The following PEX5L variants were observed in gnomAD, a reference collection of about 807,000 sequenced individuals.
PEX5L encodes the protein PEX5-related protein.
In PEX5L, 30 loss-of-function variants were observed where a neutral mutation model predicts 84.0. The ratio of observed to expected loss-of-function variants is 0.36; its 90% CI spans 0.27 to 0.48. PEX5L has a LOEUF of 0.48. PEX5L is among the 20% of genes least tolerant of loss of function. PEX5L has a pLI of 0.99. For missense variants in PEX5L, 533 were observed against 754.6 expected, an observed-to-expected ratio of 0.71 and a Z score of 3.44; for synonymous variants, 270 against 283.1, an observed-to-expected ratio of 0.95 and a Z score of 0.46.
At chr3:179,982,992 T>A (rs1786473391) in intron 1 of PEX5L, among the ~76,000 whole-genome samples, 1 of 151,994 alleles carries the variant, frequency 6.6e-6, no homozygotes, top group African/African-American at 2.4e-5. Flanking sequence ...ATTTAGTAAG[T>A]TTTTTTGAAT....
chr3:180,030,442 C>T (rs1001190275), intron 1 of PEX5L, among the ~76,000 whole-genome samples: 2 of 152,198 alleles, frequency 1.3e-5, no homozygotes, highest in African/African-American at 2.4e-5. Flanking sequence ...AGTTTTAACC[C>T]TCAAGGCTGT....
intron 14 of PEX5L, among the ~76,000 whole-genome samples, chr3:179,802,526 C>A (rs1253756995): frequency 9.7e-6 from 1 of 102,596 alleles, no homozygotes; most frequent in Non-Finnish European, 1.8e-5. Flanking sequence ...CAGAGTGAGA[C>A]TGTCTCAAAA....
rs1790714570 is a variant in PEX5L, at chr3:180,024,352, A to ATATATATATATATG, written c.21+12226_21+12227insCATATATATATATA. On this transcript the variant is annotated intron_variant, in intron 1 of 14. Coordinates refer to ENST00000467460, the MANE Select transcript of PEX5L (RefSeq NM_016559.3). ...GTGAAACCCCGTCCCTACTAAATAT[A>ATATATATATATATG]TATATATATATATATATATATACAC... Among the ~76,000 whole-genome samples the ATATATATATATATG allele has an allele frequency of 2.4e-5, 2 of 83,516 alleles. 1 individual carries two copies. The highest frequency in any genetic ancestry group is 6.3e-4 in the South Asian group (2 of 3,154). The allele number at this position is 83,516 out of a possible 152,430, so 54.8% of individuals were successfully genotyped here.
chr3:179,921,335 C>T lies in PEX5L; in HGVS notation c.94-23089G>A, dbSNP rs537543833. 2.0e-5 allele frequency among the ~76,000 whole-genome samples: 3 copies of T among 152,250 alleles called. No homozygotes were observed. The South Asian group carries it at 6.2e-4, about 32-fold the overall frequency. On this transcript the variant is annotated intron_variant, in intron 2 of 14. Transcript: ENST00000467460. ...CATGTCACACTAGAGCACAATACAA[C>T]AAACATCATCATGTAAATCAAACAG...
chr3:179,987,935 C>G (rs1480319461), intron 1 of PEX5L, among the ~76,000 whole-genome samples: 1 of 152,120 alleles, frequency 6.6e-6, no homozygotes, highest in Non-Finnish European at 1.5e-5. Context: ...TTGTTTTGAT[C>G]ACTTTTTTCT....
At chr3:179,814,078 C>T (rs1725098602) in intron 10 of PEX5L, among the ~76,000 whole-genome samples, 1 of 151,900 alleles carries the variant, frequency 6.6e-6, no homozygotes, top group African/African-American at 2.4e-5. Context: ...GCCTTAGCCT[C>T]CCAAAGTGCT....
intron 1 of PEX5L, among the ~76,000 whole-genome samples, chr3:180,013,918 T>C (rs1051231449): frequency 2.0e-5 from 3 of 152,230 alleles, no homozygotes; most frequent in Non-Finnish European, 4.4e-5. Flanking sequence ...AAATTTTAAT[T>C]TTTTCATTGC....
intron 8 of PEX5L, among the ~76,000 whole-genome samples, chr3:179,856,706 C>G (rs1744098648): frequency 6.6e-6 from 1 of 152,208 alleles, no homozygotes; most frequent in African/African-American, 2.4e-5. Flanking sequence ...ACACTTTTTT[C>G]TCCACACCTG....
In PEX5L at chr3:180,036,768, C is replaced by A; in HGVS notation, c.-169G>T. 3 of 700,254 alleles carry A rather than the reference C, an allele frequency of 4.3e-6. No homozygotes were observed. Among genetic ancestry groups the A allele is most frequent in the Non-Finnish European group, 7.8e-6 (3 of 385,652 alleles). 43.4% of individuals were successfully genotyped at this position (700,254 alleles called of 1,614,324 possible). A position where few individuals can be genotyped will look rare whatever the true frequency, so the allele number is the denominator to read the frequency against. On this transcript the variant is annotated 5_prime_UTR_variant, in exon 1 of 15. Transcript: ENST00000467460. Reference sequence around the variant, plus strand: ...GCCGGCCGGCGGCCACTCGGCAGCGCTGCGGGCTGCCGGGAACTGTTCTCC... The same window carrying A: ...GCCGGCCGGCGGCCACTCGGCAGCGATGCGGGCTGCCGGGAACTGTTCTCC...
intron 1 of PEX5L, among the ~76,000 whole-genome samples, chr3:179,983,065 T>C (rs1025125359): frequency 6.6e-6 from 1 of 152,056 alleles, no homozygotes; most frequent in Non-Finnish European, 1.5e-5. Flanking sequence ...TCTCCCTTAC[T>C]GTTTCTTGCT....
At position 179,932,644 on chromosome 3, in the gene PEX5L, A is replaced by G. The variant is rs553631232; in HGVS notation, c.94-34398T>C. Among the ~76,000 whole-genome samples the G allele has an allele frequency of 2.7e-4, 41 of 152,342 alleles. No individual in the cohort carries two copies. The South Asian group carries it at 8.1e-3, about 30-fold the overall frequency. ...TCTTATTTAAAATTGGAAAAATAAA[A>G]GTTAATTTAAGCTCTATTCACATTC... On this transcript the variant is annotated intron_variant, in intron 2 of 14. Transcript: ENST00000467460.
At chr3:180,009,608 G>C (rs1219547795) in intron 1 of PEX5L, among the ~76,000 whole-genome samples, 1 of 151,654 alleles carries the variant, frequency 6.6e-6, no homozygotes, top group African/African-American at 2.4e-5. Flanking sequence ...CAAGGTGACA[G>C]GGTCTCACTA....
intron 1 of PEX5L, among the ~76,000 whole-genome samples, chr3:179,999,017 AGT>A (rs1478605864): frequency 6.6e-6 from 1 of 152,244 alleles, no homozygotes; most frequent in Non-Finnish European, 1.5e-5. Context: ...AGTGAAAGGA[AGT>A]CTTCCCAGTG....
chr3:180,003,231 TTCTATCCTATCATGTGA>T (rs1788584346), intron 1 of PEX5L, among the ~76,000 whole-genome samples: 1 of 152,186 alleles, frequency 6.6e-6, no homozygotes, highest in Non-Finnish European at 1.5e-5. Flanking sequence ...GCTTAGCTCA[TTCTATCCTATCATGTGA>T]AACATGGAAA....
chr3:180,013,883 C>T (rs1349741779), intron 1 of PEX5L, among the ~76,000 whole-genome samples: 1 of 152,152 alleles, frequency 6.6e-6, no homozygotes, highest in African/African-American at 2.4e-5. Flanking sequence ...ACAAGGAACA[C>T]GTGTGACTTT....
At chr3:179,843,902 G>A (rs1285960511) in intron 8 of PEX5L, among the ~76,000 whole-genome samples, 1 of 152,194 alleles carries the variant, frequency 6.6e-6, no homozygotes, top group Admixed American at 6.5e-5. Flanking sequence ...CATGTAGCCT[G>A]ATAATTAAAT....
intron 2 of PEX5L, among the ~76,000 whole-genome samples, chr3:179,963,019 T>C (rs1782457461): frequency 6.6e-6 from 1 of 152,218 alleles, no homozygotes; most frequent in African/African-American, 2.4e-5. Context: ...GTAATGAACA[T>C]AGGCTGAATA....
intron 2 of PEX5L, among the ~76,000 whole-genome samples, chr3:179,950,036 G>A (rs947539754): frequency 1.3e-5 from 2 of 152,088 alleles, no homozygotes; most frequent in African/African-American, 2.4e-5. Context: ...TAAAAGGACC[G>A]GCCTATTGGT....
chr3:179,831,645 G>A (rs1732990623), intron 8 of PEX5L, among the ~76,000 whole-genome samples: 1 of 152,120 alleles, frequency 6.6e-6, no homozygotes, highest in African/African-American at 2.4e-5. Flanking sequence ...GGGGAGGAAA[G>A]GTGCTCTGGG....
Sources: gnomAD v4.1 joint callset for allele counts (sites outside exome capture counted in the v4.1 genomes callset) on GRCh38, gnomAD v4.1.1 for gene constraint, MANE v1.5 for transcripts, NCBI Gene and HGNC (gene_info 2026-07-23, HGNC 2026-07-21) for gene names.